EPHA6: variants seen among roughly 807,000 people sequenced by gnomAD.
EPHA6 encodes ephrin type-A receptor 6.
Under a neutral mutation model 112.0 loss-of-function variants are expected in EPHA6, and 50 were observed. That is an observed-to-expected ratio of 0.45 (90% CI 0.36 to 0.56). EPHA6 has a LOEUF of 0.56. EPHA6 is among the 20% of genes least tolerant of loss of function. EPHA6 has a pLI of 0.00. For missense variants in EPHA6, 1,280 were observed against 1,417.4 expected, an observed-to-expected ratio of 0.90 and a Z score of 1.56; for synonymous variants, 529 against 490.7, an observed-to-expected ratio of 1.08 and a Z score of -1.03.
At chr3:97,576,348 C>A (rs548414966) in intron 11 of EPHA6, among the ~76,000 whole-genome samples, 1 of 152,002 alleles carries the variant, frequency 6.6e-6, no homozygotes, top group Non-Finnish European at 1.5e-5. Flanking sequence ...ATATTACCAT[C>A]GTGAAAGAAA....
intron 3 of EPHA6, among the ~76,000 whole-genome samples, chr3:97,210,726 A>C (rs77641767): frequency 6.6e-6 from 1 of 152,148 alleles, no homozygotes; most frequent in Non-Finnish European, 1.5e-5. Context: ...ACATAAAAAA[A>C]CACCCCCAAA....
intron 3 of EPHA6, among the ~76,000 whole-genome samples, chr3:97,152,581 T>G (rs1380123411): frequency 1.3e-5 from 2 of 151,978 alleles, no homozygotes; most frequent in Non-Finnish European, 2.9e-5. Flanking sequence ...TTCTGTGTGT[T>G]CAATAATATG....
chr3:96,990,835 A>G (rs1221434902), intron 3 of EPHA6, among the ~76,000 whole-genome samples: 2 of 152,166 alleles, frequency 1.3e-5, no homozygotes, highest in African/African-American at 2.4e-5. Flanking sequence ...AAATCTCTGA[A>G]TTACATATAA....
chr3:96,855,674 T>A (rs1158338031), intron 1 of EPHA6, among the ~76,000 whole-genome samples: 2 of 150,064 alleles, frequency 1.3e-5, no homozygotes, highest in African/African-American at 5.0e-5. Context: ...ATAAATTTTC[T>A]TTGAAAATGA....
At chr3:97,189,456 T>G (rs937812080) in intron 3 of EPHA6, among the ~76,000 whole-genome samples, 2 of 152,100 alleles carry the variant, frequency 1.3e-5, no homozygotes, top group Admixed American at 1.3e-4. Flanking sequence ...ACAAGCCTAC[T>G]GTATTTTTTT....
chr3:97,529,516 A>G (rs1040303684), intron 10 of EPHA6, among the ~76,000 whole-genome samples: 18 of 152,232 alleles, frequency 1.2e-4, no homozygotes, highest in African/African-American at 4.3e-4. Context: ...ATGTTCACAG[A>G]TCTTATTGAG....
chr3:97,574,267 G>C (rs1162157648), intron 11 of EPHA6, among the ~76,000 whole-genome samples: 1 of 152,100 alleles, frequency 6.6e-6, no homozygotes, highest in Non-Finnish European at 1.5e-5. Context: ...GCAGCTAATA[G>C]AATGCTAATA....
chr3:97,544,182 G>A (rs2092910571), intron 11 of EPHA6, among the ~76,000 whole-genome samples: 2 of 152,260 alleles, frequency 1.3e-5, no homozygotes, highest in East Asian at 3.9e-4. Flanking sequence ...TTTTCAAAGG[G>A]AATGCTTCCA....
At chr3:97,230,904 G>A (rs747894711) in intron 4 of EPHA6, among the ~76,000 whole-genome samples, 5 of 152,114 alleles carry the variant, frequency 3.3e-5, no homozygotes, top group Non-Finnish European at 5.9e-5. Flanking sequence ...GTGACTTAGT[G>A]ATCCTTCTCT....
intron 4 of EPHA6, 50 bp from the exon 5 acceptor site, chr3:97,243,902 A>C: frequency 2.2e-6 from 3 of 1,358,522 alleles, no homozygotes; most frequent in Non-Finnish European, 3.0e-6. Context: ...TTAGCGCCAT[A>C]ATTCATTGTC....
chr3:97,121,721 T>A (rs1036130010), intron 3 of EPHA6, among the ~76,000 whole-genome samples: 12 of 151,946 alleles, frequency 7.9e-5, no homozygotes, highest in Non-Finnish European at 1.5e-4. Context: ...CTGAAAGGAG[T>A]ATGCTAGTGT....
intron 3 of EPHA6, among the ~76,000 whole-genome samples, chr3:97,021,206 A>G (rs956155505): frequency 2.0e-5 from 3 of 152,202 alleles, no homozygotes; most frequent in Non-Finnish European, 2.9e-5. Flanking sequence ...TAACAGTTCC[A>G]CATTTGTGCC....
chr3:97,646,092 T>C, intron 14 of EPHA6: 1 of 1,505,262 alleles, frequency 6.6e-7, no homozygotes, highest in African/African-American at 1.4e-5. Context: ...ATAGGCATTT[T>C]CCATTAAAAT....
At chr3:97,013,516 A>G (rs2044162354) in intron 3 of EPHA6, among the ~76,000 whole-genome samples, 1 of 152,148 alleles carries the variant, frequency 6.6e-6, no homozygotes, top group African/African-American at 2.4e-5. Context: ...CTGAAAAACC[A>G]TGAATTGCCA....
At chr3:97,708,037 T>C (rs896466547) in intron 14 of EPHA6, among the ~76,000 whole-genome samples, 1 of 152,022 alleles carries the variant, frequency 6.6e-6, no homozygotes, top group Non-Finnish European at 1.5e-5. Context: ...GTGCCAAGAG[T>C]GGGGTACTGC....
chr3:97,315,209 A>G lies in EPHA6; in HGVS notation c.1606+70922A>G, dbSNP rs539911611. The stretch of plus-strand genomic sequence containing the variant: ...TTAAAAACAATATAGGTTGCCATCT[A>G]AGAAACTGACACCTAGATATAGCAC... On this transcript the variant is annotated intron_variant, in intron 5 of 17. Coordinates refer to ENST00000389672, the MANE Select transcript of EPHA6 (RefSeq NM_001080448.3). Among the ~76,000 whole-genome samples the G allele has an allele frequency of 2.6e-4, 40 of 151,826 alleles. No homozygotes were observed. The South Asian group carries it at 7.9e-3, about 30-fold the overall frequency.
chr3:97,066,106 T>C (rs1028343249), intron 3 of EPHA6, among the ~76,000 whole-genome samples: 2 of 152,102 alleles, frequency 1.3e-5, no homozygotes, highest in African/African-American at 2.4e-5. Context: ...AATGTGATTT[T>C]AGAAATTTAT....
chr3:97,068,490 T>C (rs1163046895), intron 3 of EPHA6, among the ~76,000 whole-genome samples: 1 of 152,100 alleles, frequency 6.6e-6, no homozygotes, highest in Non-Finnish European at 1.5e-5. Flanking sequence ...AAGCGACAGA[T>C]GAATAAATTG....
intron 5 of EPHA6, chr3:97,244,632 T>C (rs1456755014): frequency 3.1e-6 from 1 of 321,172 alleles, no homozygotes; most frequent in Non-Finnish European, 5.6e-6. Context: ...TGAATTTCAA[T>C]TGCCCCACTT....
Sources: allele counts gnomAD v4.1 joint callset (sites outside exome capture counted in the v4.1 genomes callset), GRCh38; gene constraint gnomAD v4.1.1; transcripts MANE v1.5; gene names NCBI Gene and HGNC (gene_info 2026-07-23, HGNC 2026-07-21).